RBFOX3: variants seen among roughly 807,000 people sequenced by gnomAD.
RBFOX3 encodes RNA binding fox-1 homolog 3.
A neutral mutation model predicts 48.7 loss-of-function variants in RBFOX3; 17 were observed. The ratio of observed to expected loss-of-function variants is 0.35; its 90% CI spans 0.24 to 0.52. RBFOX3 has a LOEUF of 0.52. Ranked by LOEUF, RBFOX3 falls within the 20% of genes least tolerant of loss-of-function variation. The probability of loss-of-function intolerance (pLI) is 0.94; values close to 1 mark genes in which losing one functional copy is unlikely to be tolerated. For missense variants in RBFOX3, 382 were observed against 497.5 expected (o/e 0.77, Z 2.21); for synonymous variants, 212 against 209.5 (o/e 1.01, Z -0.10).
intron 4 of RBFOX3, among the ~76,000 whole-genome samples, chr17:79,123,456 T>C (rs925415160): frequency 6.7e-5 from 10 of 148,846 alleles, no homozygotes; most frequent in Non-Finnish European, 1.5e-4. Flanking sequence ...CAGGTGTCCA[T>C]GATCACCGTC....
chr17:79,138,711 A>G lies in RBFOX3; in HGVS notation c.-33-22963T>C, dbSNP rs867271354. Among the ~76,000 whole-genome samples the G allele has an allele frequency of 4.7e-3, 34 of 7,266 alleles. 5 individuals carry two copies. Among genetic ancestry groups the G allele is most frequent in the African/African-American group, 0.013 (23 of 1,784 alleles). 4.8% of individuals were successfully genotyped at this position (7,266 alleles called of 152,430 possible). A position where few individuals can be genotyped will look rare whatever the true frequency, so the allele number is the denominator to read the frequency against. On this transcript the variant is annotated intron_variant, in intron 4 of 14. Coordinates refer to ENST00000693108, the MANE Select transcript of RBFOX3 (RefSeq NM_001350451.2). ...ACATGGACACAGCACATGCGTTCACACCCCCTCACCCACACACGCATGCAC... is the reference window on the plus strand; with the variant it reads ...ACATGGACACAGCACATGCGTTCACGCCCCCTCACCCACACACGCATGCAC...
chr17:79,547,309 T>G (rs782050627), intron 1 of RBFOX3, among the ~76,000 whole-genome samples: 1 of 151,852 alleles, frequency 6.6e-6, no homozygotes, highest in African/African-American at 2.4e-5. Context: ...TAGCCAGGCG[T>G]GGTGGCATGG....
intron 4 of RBFOX3, among the ~76,000 whole-genome samples, chr17:79,152,597 C>T (rs1002425297): frequency 2.0e-5 from 3 of 152,142 alleles, no homozygotes; most frequent in Non-Finnish European, 2.9e-5. Context: ...GCTGCACAGG[C>T]GAGCAGAGAC....
chr17:79,431,106 C>T (rs187400493), intron 2 of RBFOX3, among the ~76,000 whole-genome samples: 1 of 152,260 alleles, frequency 6.6e-6, no homozygotes, highest in African/African-American at 2.4e-5. Context: ...CAAGCCCGAT[C>T]GGTGATCATG....
upstream of RBFOX3, among the ~76,000 whole-genome samples, chr17:79,611,129 C>CTCTCTCT (rs1568454471): frequency 4.9e-5 from 2 of 40,484 alleles, no homozygotes; most frequent in Non-Finnish European, 1.0e-4. Flanking sequence ...CTCCGCCCTC[C>CTCTCTCT]TTCTCTCTCT....
intron 3 of RBFOX3, among the ~76,000 whole-genome samples, chr17:79,277,363 C>T (rs983333517): frequency 6.6e-6 from 1 of 151,762 alleles, no homozygotes; most frequent in Non-Finnish European, 1.5e-5. Context: ...ATAAGTATTA[C>T]AATTGAGTTT....
At chr17:79,416,728 A>G (rs1739345391) in intron 2 of RBFOX3, among the ~76,000 whole-genome samples, 1 of 152,156 alleles carries the variant, frequency 6.6e-6, no homozygotes, top group African/African-American at 2.4e-5. Context: ...CCTTGGATCT[A>G]TCTGCCTCGA....
At chr17:79,302,102 T>C (rs112232004) in intron 3 of RBFOX3, among the ~76,000 whole-genome samples, 3 of 152,352 alleles carry the variant, frequency 2.0e-5, no homozygotes, top group South Asian at 2.1e-4. Context: ...GTCAAGATGT[T>C]AGCTTTTGCT....
intron 1 of RBFOX3, among the ~76,000 whole-genome samples, chr17:79,485,347 C>G (rs990837826): frequency 2.0e-5 from 3 of 152,158 alleles, no homozygotes; most frequent in African/African-American, 7.2e-5. Context: ...GGCAGCCAGT[C>G]CAGGGCCAGG....
chr17:79,361,150 G>GCTGTCACC lies in RBFOX3; in HGVS notation c.-174-53334_-174-53327dup, dbSNP rs1454838371. ...AAGGTTTGAAAGAGGGTGACAGACA[G>GCTGTCACC]CTGTCACCCTCCCTCTGCTAACATC... On this transcript the variant is annotated intron_variant, in intron 2 of 14. Coordinates refer to ENST00000693108, the MANE Select transcript of RBFOX3 (RefSeq NM_001350451.2). This position sits in a 1 kb window ranked among gnomAD's most constrained non-coding sequence, Gnocchi z 4.5. Among the ~76,000 whole-genome samples the GCTGTCACC allele has an allele frequency of 6.6e-6, 1 of 152,112 alleles. No individual in the cohort carries two copies. The highest frequency in any genetic ancestry group is 3.2e-3 in the Middle Eastern group (1 of 316).
chr17:79,412,018 T>C (rs900713421), intron 2 of RBFOX3, among the ~76,000 whole-genome samples: 8 of 152,104 alleles, frequency 5.3e-5, no homozygotes, highest in Admixed American at 4.6e-4. Context: ...TGTATGCACA[T>C]GTTGTGTATA....
rs2076473455 is a variant in RBFOX3, at chr17:79,101,733, G to GC, written c.508-90dup. 4.2e-6 allele frequency: 5 copies of GC among 1,190,824 alleles called. No homozygotes were observed. In the South Asian group the frequency reaches 6.5e-5, roughly 16 times the overall value. The allele number at this position is 1,190,824 out of a possible 1,614,324, so 73.8% of individuals were successfully genotyped here. A position where few individuals can be genotyped will look rare whatever the true frequency, so the allele number is the denominator to read the frequency against. ...CACTCCTCCCCGCCCTGCTCCGTTA[G>GC]CCCCCGGCACCCCCCGCCCCAGCCT... On this transcript the variant is annotated intron_variant, in intron 8 of 14. Transcript: ENST00000693108.
chr17:79,608,684 C>G (rs1246086278), intron 1 of RBFOX3, among the ~76,000 whole-genome samples: 1 of 152,232 alleles, frequency 6.6e-6, no homozygotes, highest in African/African-American at 2.4e-5. Context: ...GTCACCCGCT[C>G]TGTCTCCCTC....
At chr17:79,444,316 C>T (rs72853572) in intron 2 of RBFOX3, among the ~76,000 whole-genome samples, 26,351 of 151,968 alleles carry the variant, frequency 0.17, 2,552 homozygotes, top group East Asian at 0.43. Context: ...CCTCTTATGG[C>T]CTGTGCGTCT....
chr17:79,650,749 C>T, the RBFOX3 span, among the ~76,000 whole-genome samples: 1 of 152,118 alleles, frequency 6.6e-6, no homozygotes, highest in South Asian at 2.1e-4. Flanking sequence ...TTAGGAGTCA[C>T]AGTAGAAAGG....
intron 2 of RBFOX3, among the ~76,000 whole-genome samples, chr17:79,410,322 G>A (rs1005507449): frequency 5.9e-5 from 9 of 152,324 alleles, no homozygotes; most frequent in East Asian, 5.8e-4. Flanking sequence ...GCTGGTTCTC[G>A]TCTCCGTGCA....
chr17:79,105,419 C>T (rs1183295756), intron 6 of RBFOX3, among the ~76,000 whole-genome samples: 2 of 152,178 alleles, frequency 1.3e-5, no homozygotes, highest in African/African-American at 4.8e-5. Flanking sequence ...GGGCATCCAG[C>T]CAGAGCTCCA....
chr17:79,391,618 G>T lies in RBFOX3; in HGVS notation c.-174-83794C>A, dbSNP rs77208668. Reference sequence around the variant, plus strand: ...TTAGTTTTAGGAATGAAGAAATGAGGCCCAGTGAGGTACATGTACACGTGC... The same window carrying T: ...TTAGTTTTAGGAATGAAGAAATGAGTCCCAGTGAGGTACATGTACACGTGC... On this transcript the variant is annotated intron_variant, in intron 2 of 14. Coordinates refer to ENST00000693108, the MANE Select transcript of RBFOX3 (RefSeq NM_001350451.2). This position sits in a 1 kb window ranked among gnomAD's most constrained non-coding sequence, Gnocchi z 5.0. 6.7e-4 allele frequency among the ~76,000 whole-genome samples: 102 copies of T among 152,334 alleles called. 1 individual carries two copies. The East Asian group carries it at 0.014, about 21-fold the overall frequency.
chr17:79,278,005 C>A (rs998855322), intron 3 of RBFOX3, among the ~76,000 whole-genome samples: 1 of 152,180 alleles, frequency 6.6e-6, no homozygotes, highest in Non-Finnish European at 1.5e-5. Context: ...TTGGAGACTT[C>A]TGTGTGATAT....
Sources: gnomAD v4.1 joint callset for allele counts (sites outside exome capture counted in the v4.1 genomes callset) on GRCh38, gnomAD v4.1.1 for gene constraint, Gnocchi (gnomAD v3.1) non-coding constraint, MANE v1.5 for transcripts, NCBI Gene and HGNC (gene_info 2026-07-23, HGNC 2026-07-21) for gene names.